CDH18: variants seen among roughly 807,000 people sequenced by gnomAD.
The protein encoded by CDH18 is cadherin 18.
A neutral mutation model predicts 67.9 loss-of-function variants in CDH18; 31 were observed. The ratio of observed to expected loss-of-function variants is 0.46; its 90% CI spans 0.34 to 0.62. The LOEUF is 0.62. Among genes scored for constraint, CDH18 ranks in the 20% least tolerant of loss-of-function variants. The pLI is 0.01. For synonymous variants in CDH18, 362 were observed against 347.2 expected, an observed-to-expected ratio of 1.04 and a Z score of -0.48; for missense variants, 890 against 975.5, an observed-to-expected ratio of 0.91 and a Z score of 1.17.
chr5:20,028,900 G>A (rs1427217279), intron 2 of CDH18, among the ~76,000 whole-genome samples: 1 of 152,146 alleles, frequency 6.6e-6, no homozygotes, highest in Non-Finnish European at 1.5e-5. Flanking sequence ...ATCTGCGACT[G>A]AATCTTAATT....
At chr5:20,339,941 A>G (rs1341054466) in intron 1 of CDH18, among the ~76,000 whole-genome samples, 1 of 152,208 alleles carries the variant, frequency 6.6e-6, no homozygotes, top group East Asian at 1.9e-4. Flanking sequence ...ACAATGCCAG[A>G]AAAGGGGAAG....
Position 19,824,961 on chromosome 5 carries a change from G to A in CDH18, c.228+13798C>T, listed in dbSNP as rs1780254649. On this transcript the variant is annotated intron_variant, in intron 3 of 12. Coordinates refer to ENST00000382275, the MANE Select transcript of CDH18 (RefSeq NM_004934.5). ...GATAATCACACCCATCCCTGGCACT[G>A]GTAACCAGGTGGGCAGCACCTGCTA... is the stretch of plus-strand genomic sequence containing the variant. 3.3e-5 allele frequency among the ~76,000 whole-genome samples: 5 copies of A among 152,280 alleles called. No individual in the cohort carries two copies. In the South Asian group the frequency reaches 1.0e-3, roughly 32 times the overall value.
intron 10 of CDH18, among the ~76,000 whole-genome samples, chr5:19,515,150 G>T (rs988722435): frequency 1.3e-5 from 2 of 152,054 alleles, no homozygotes; most frequent in Non-Finnish European, 2.9e-5. Context: ...AAAATCAGTT[G>T]GTTGTAGATG....
At chr5:19,862,692 T>C (rs1335897378) in intron 2 of CDH18, among the ~76,000 whole-genome samples, 1 of 152,186 alleles carries the variant, frequency 6.6e-6, no homozygotes. Context: ...TTAATAGAGG[T>C]GACTTTAAGC....
intron 10 of CDH18, among the ~76,000 whole-genome samples, chr5:19,511,121 G>T (rs1284722339): frequency 6.6e-6 from 1 of 151,978 alleles, no homozygotes; most frequent in Non-Finnish European, 1.5e-5. Flanking sequence ...CGATCTGATG[G>T]TTTTATAAGC....
intron 3 of CDH18, among the ~76,000 whole-genome samples, chr5:19,791,487 A>G (rs770063055): frequency 6.6e-6 from 1 of 152,140 alleles, no homozygotes; most frequent in Non-Finnish European, 1.5e-5. Flanking sequence ...TTACATATAT[A>G]ATTGTATTAT....
chr5:20,071,169 C>T (rs1743445969), intron 2 of CDH18, among the ~76,000 whole-genome samples: 1 of 151,986 alleles, frequency 6.6e-6, no homozygotes, highest in Admixed American at 6.5e-5. Context: ...TACAGATACA[C>T]TGGCATTTAA....
At chr5:19,608,933 A>G (rs1748511468) in intron 6 of CDH18, among the ~76,000 whole-genome samples, 1 of 151,868 alleles carries the variant, frequency 6.6e-6, no homozygotes, top group South Asian at 2.1e-4. Flanking sequence ...ATACAACAAT[A>G]TAATTCCTTC....
chr5:19,993,794 T>C (rs965942924), intron 2 of CDH18, among the ~76,000 whole-genome samples: 6 of 152,122 alleles, frequency 3.9e-5, no homozygotes, highest in African/African-American at 1.2e-4. Context: ...CTTAGTTCTG[T>C]TTCCCTGGAG....
At chr5:20,261,384 A>C (rs1252811733) in intron 1 of CDH18, among the ~76,000 whole-genome samples, 3 of 152,176 alleles carry the variant, frequency 2.0e-5, no homozygotes, top group Non-Finnish European at 4.4e-5. Flanking sequence ...TTGTATGAGT[A>C]ATTATTTATC....
In CDH18 at chr5:20,099,695, A is replaced by C. The variant is rs377390160; in HGVS notation, c.-517-107681T>G. Among the ~76,000 whole-genome samples the C allele has an allele frequency of 7.2e-5, 11 of 152,320 alleles. No homozygotes were observed. In the East Asian group the frequency reaches 9.7e-4, roughly 13 times the overall value. ...TATCAAATAACAGGAATACCTTCAA[A>C]AATATTAGAAGATAAGAGATTGACT... is the stretch of plus-strand genomic sequence containing the variant. On this transcript the variant is annotated intron_variant, in intron 2 of 14. Transcript: ENST00000507958.
chr5:20,531,371 C>T (rs182806764), intron 1 of CDH18, among the ~76,000 whole-genome samples: 1 of 152,166 alleles, frequency 6.6e-6, no homozygotes, highest in African/African-American at 2.4e-5. Flanking sequence ...GCATTTGACC[C>T]AGAATCTCAT....
chr5:19,886,991 T>G (rs1453869702), intron 2 of CDH18, among the ~76,000 whole-genome samples: 1 of 152,106 alleles, frequency 6.6e-6, no homozygotes. Context: ...TTATGCATAC[T>G]GTTATTGATG....
At chr5:20,452,270 T>C (rs1750506676) in intron 1 of CDH18, among the ~76,000 whole-genome samples, 1 of 152,102 alleles carries the variant, frequency 6.6e-6, no homozygotes, top group Non-Finnish European at 1.5e-5. Flanking sequence ...CAAATTGTAC[T>C]ATGTGTTTTT....
intron 4 of CDH18, among the ~76,000 whole-genome samples, chr5:19,738,411 A>G (rs569540033): frequency 9.8e-4 from 150 of 152,290 alleles, no homozygotes; most frequent in African/African-American, 3.0e-3. Context: ...CAATAATTTC[A>G]CTTATTATAT....
chr5:19,689,064 G>A (rs1251963442), intron 5 of CDH18, among the ~76,000 whole-genome samples: 1 of 151,926 alleles, frequency 6.6e-6, no homozygotes, highest in South Asian at 2.1e-4. Flanking sequence ...ATTTAAATTT[G>A]GGATGTTCCA....
chr5:19,957,317 T>C (rs28507867), intron 2 of CDH18, among the ~76,000 whole-genome samples: 11,821 of 151,058 alleles, frequency 0.078, 1,495 homozygotes, highest in African/African-American at 0.26. Flanking sequence ...TGTATATATA[T>C]GTTTTATATA....
intron 1 of CDH18, among the ~76,000 whole-genome samples, chr5:20,391,750 G>C (rs567381533): frequency 2.0e-5 from 3 of 151,812 alleles, no homozygotes; most frequent in Admixed American, 1.3e-4. Context: ...GAAATGCCCC[G>C]TTAGCTTTAC....
chr5:20,303,691 G>A (rs924791887), intron 1 of CDH18, among the ~76,000 whole-genome samples: 1 of 151,948 alleles, frequency 6.6e-6, no homozygotes, highest in Non-Finnish European at 1.5e-5. Flanking sequence ...TGGTGATGGC[G>A]GTGGACCCCA....
Sources: allele counts gnomAD v4.1 joint callset (sites outside exome capture counted in the v4.1 genomes callset), GRCh38; gene constraint gnomAD v4.1.1; transcripts MANE v1.5; gene names NCBI Gene and HGNC (gene_info 2026-07-23, HGNC 2026-07-21).